The following ABCC9 variants were observed in gnomAD, a reference collection of about 807,000 sequenced individuals.
ABCC9 encodes ATP-binding cassette sub-family C member 9.
Under a neutral mutation model 188.3 loss-of-function variants are expected in ABCC9, and 95 were observed. The observed-to-expected ratio is 0.50, with a 90% CI of 0.43 to 0.60. The LOEUF is 0.60. ABCC9 is among the 20% of genes least tolerant of loss of function. ABCC9 has a pLI of 0.00. For synonymous variants in ABCC9, 659 were observed against 652.7 expected, an observed-to-expected ratio of 1.01 and a Z score of -0.15; for missense variants, 1,102 against 1,876.3, an observed-to-expected ratio of 0.59 and a Z score of 7.62.
At chr12:21,812,288 T>A in intron 35 of ABCC9, 131 bp from the exon 36 acceptor site, 1 of 696,868 alleles carries the variant, frequency 1.4e-6, no homozygotes, top group Non-Finnish European at 2.5e-6. Flanking sequence ...TTTAAGCATG[T>A]GGTGATTCCT....
chr12:21,921,248 T>C (rs1948805794), intron 5 of ABCC9, among the ~76,000 whole-genome samples: 1 of 152,098 alleles, frequency 6.6e-6, no homozygotes, highest in African/African-American at 2.4e-5. Flanking sequence ...TGCCTGACTT[T>C]TGTATACAAG....
chr12:21,914,238 A>G (rs1948441644), intron 7 of ABCC9, among the ~76,000 whole-genome samples: 1 of 152,194 alleles, frequency 6.6e-6, no homozygotes, highest in African/African-American at 2.4e-5. Flanking sequence ...TGTTGTTGAG[A>G]ATCCTAATAT....
chr12:21,830,636 G>A (rs1289443371), intron 30 of ABCC9, among the ~76,000 whole-genome samples: 20 of 152,282 alleles, frequency 1.3e-4, no homozygotes, highest in Non-Finnish European at 2.9e-5. Flanking sequence ...TAAAGCAGAC[G>A]CTTGATATCT....
At chr12:21,896,036 C>T (rs1947385344) in intron 12 of ABCC9, among the ~76,000 whole-genome samples, 1 of 148,522 alleles carries the variant, frequency 6.7e-6, no homozygotes, top group Non-Finnish European at 1.5e-5. Context: ...TTGTTTGTAA[C>T]AGAGCCAGGC....
chr12:21,834,808 C>T (rs1371958930), intron 30 of ABCC9, among the ~76,000 whole-genome samples: 1 of 151,588 alleles, frequency 6.6e-6, no homozygotes, highest in Non-Finnish European at 1.5e-5. Context: ...CACACACACA[C>T]ACACACACAC....
At chr12:21,815,694 A>C (rs1461688763) in intron 34 of ABCC9, 69 bp downstream of exon 34, 4 of 1,582,108 alleles carry the variant, frequency 2.5e-6, no homozygotes, top group Non-Finnish European at 3.4e-6. Flanking sequence ...TGAAGAGCTT[A>C]GGTAGTAAAA....
At chr12:21,860,251 A>G (rs1592091341) in intron 21 of ABCC9, among the ~76,000 whole-genome samples, 1 of 152,208 alleles carries the variant, frequency 6.6e-6, no homozygotes, top group African/African-American at 2.4e-5. Flanking sequence ...ACTTAAGTCC[A>G]TTCTCATACA....
Position 21,841,603 on chromosome 12 carries a change from C to T in ABCC9, c.3473+711G>A, listed in dbSNP as rs368767580. On this transcript the variant is annotated intron_variant, in intron 29 of 39. Coordinates refer to ENST00000261200, the MANE Select transcript of ABCC9 (RefSeq NM_020297.4). ...CGAACTCCTGACCTCACGATCCGCC[C>T]GCCTCAGACCCCCAAAGTGCTGGGA... 1.7e-4 allele frequency among the ~76,000 whole-genome samples: 26 copies of T among 151,806 alleles called. No individual in the cohort carries two copies. The East Asian group carries it at 2.1e-3, about 12-fold the overall frequency.
intron 17 of ABCC9, among the ~76,000 whole-genome samples, chr12:21,873,702 T>G (rs1946192336): frequency 6.6e-6 from 1 of 152,118 alleles, no homozygotes; most frequent in South Asian, 2.1e-4. Flanking sequence ...GTACGGTACT[T>G]GCATAAAGAC....
chr12:21,866,249 C>T (rs1021389051), intron 18 of ABCC9, among the ~76,000 whole-genome samples: 2 of 152,062 alleles, frequency 1.3e-5, no homozygotes, highest in Non-Finnish European at 2.9e-5. Context: ...AGAGCTTGAA[C>T]TTTTCCTAAA....
At chr12:21,818,018 C>T (rs1565695713) in intron 32 of ABCC9, 132 bp downstream of exon 32, 1 of 675,682 alleles carries the variant, frequency 1.5e-6, no homozygotes, top group Admixed American at 2.0e-5. Context: ...CTCACCCCCA[C>T]CCCCCAATAG....
chr12:21,871,146 A>T (rs1004135528), intron 18 of ABCC9, among the ~76,000 whole-genome samples: 2 of 152,210 alleles, frequency 1.3e-5, no homozygotes, highest in Non-Finnish European at 2.9e-5. Flanking sequence ...TTATGGTTGT[A>T]CAAGCTACAC....
intron 30 of ABCC9, among the ~76,000 whole-genome samples, chr12:21,831,945 A>G (rs568657212): frequency 2.0e-5 from 3 of 152,232 alleles, no homozygotes; most frequent in African/African-American, 7.2e-5. Context: ...TAGTTTTGGG[A>G]TATTGTTTCA....
At chr12:21,848,003 C>T in intron 25 of ABCC9, 147 bp downstream of exon 25, 1 of 686,618 alleles carries the variant, frequency 1.5e-6, no homozygotes, top group Non-Finnish European at 2.6e-6. Context: ...TCCTTGACTC[C>T]TATTGTTTCC....
rs10611051 is a variant in ABCC9, at chr12:21,816,036, GTTTTTTTTTTTTTTTT to G, written c.3893-159_3893-144del. 9.9e-3 allele frequency: 575 copies of G among 58,188 alleles called. 25 individuals are homozygous for G. The highest frequency in any genetic ancestry group is 0.03 in the South Asian group (58 of 1,916). 3.6% of individuals were successfully genotyped at this position (58,188 alleles called of 1,614,324 possible). Reference sequence around the variant, plus strand: ...TAATACTGAACCAAACTATGTGGCAGTTTTTTTTTTTTTTTTTTTTTTTTTTTTTTTTTTTTTTTTT... The same window carrying G: ...TAATACTGAACCAAACTATGTGGCAGTTTTTTTTTTTTTTTTTTTTTTTTT... On this transcript the variant is annotated intron_variant, in intron 33 of 39. Coordinates refer to ENST00000261200, the MANE Select transcript of ABCC9 (RefSeq NM_020297.4).
intron 12 of ABCC9, among the ~76,000 whole-genome samples, 192 bp from the exon 13 acceptor site, chr12:21,895,507 C>T (rs1276485625): frequency 1.3e-5 from 2 of 152,192 alleles, no homozygotes; most frequent in Non-Finnish European, 2.9e-5. Flanking sequence ...AGTTCCCATA[C>T]ATTAGTCTTA....
rs1241872122 is a variant in ABCC9 at position 21,817,292 on chromosome 12, T to C, written c.3787A>G (p.Asn1263Asp). 6.2e-7 allele frequency: 1 copy of C among 1,613,632 alleles called. No homozygotes were observed. Among genetic ancestry groups the C allele is most frequent in the Non-Finnish European group, 8.5e-7 (1 of 1,179,784 alleles). ...LYALTITNYL[N>D]WVVRNLADLE... ...TCAGCCAAGTTCCTCACAACCCAATTCAAATAATTGGTTATCTGTGTCAGG... is the reference window on the plus strand; with the variant it reads ...TCAGCCAAGTTCCTCACAACCCAATCCAAATAATTGGTTATCTGTGTCAGG... Residue 1263 changes from asparagine (N) to aspartate (D), a missense_variant, in exon 33 of 40, where the codon AAT becomes GAT. Transcript: ENST00000261200.
intron 35 of ABCC9, among the ~76,000 whole-genome samples, chr12:21,813,185 TAGAG>T (rs1942379385): frequency 6.6e-6 from 1 of 152,210 alleles, no homozygotes; most frequent in South Asian, 2.1e-4. Context: ...GCATTACAAA[TAGAG>T]AAGTAAATTC....
Position 21,925,912 on chromosome 12 carries a change from AG to A in ABCC9, c.406+29del. 2 of 1,598,256 alleles carry A rather than the reference AG, an allele frequency of 1.3e-6. 1 individual carries two copies. Among genetic ancestry groups the A allele is most frequent in the South Asian group, 2.2e-5 (2 of 90,488 alleles). On this transcript the variant is annotated intron_variant, in intron 5 of 39. Transcript: ENST00000261200. The stretch of plus-strand genomic sequence containing the variant: ...GGGGGGAAAAACAAATATCTCTTTA[AG>A]GAGAAACAACAAAAGTGATCATACT...
Sources: allele counts gnomAD v4.1 joint callset (sites outside exome capture counted in the v4.1 genomes callset), GRCh38; gene constraint gnomAD v4.1.1; transcripts MANE v1.5; gene names NCBI Gene and HGNC (gene_info 2026-07-23, HGNC 2026-07-21).